Variants in RASSF5 observed in about 807,000 individuals in gnomAD.
The protein encoded by RASSF5 is ras association domain-containing protein 5.
RASSF5 carries 25 observed loss-of-function variants against 40.5 expected under a neutral mutation model. The observed-to-expected ratio is 0.62, with a 90% confidence interval of 0.45 to 0.86. The LOEUF (loss-of-function observed/expected upper bound fraction) is 0.86. RASSF5 is among the 40% of genes least tolerant of loss of function. The probability of loss-of-function intolerance (pLI) is 0.00; values close to 1 mark genes in which losing one functional copy is unlikely to be tolerated. For missense variants in RASSF5, 521 were observed against 572.8 expected, an observed-to-expected ratio of 0.91 and a Z score of 0.92; for synonymous variants, 246 against 252.4, an observed-to-expected ratio of 0.97 and a Z score of 0.24.
chr1:206,520,893 C>A (rs1572294823), intron 1 of RASSF5, among the ~76,000 whole-genome samples: 1 of 152,270 alleles, frequency 6.6e-6, no homozygotes, highest in African/African-American at 2.4e-5. Flanking sequence ...CCCCGTGGGT[C>A]ATTGGGACAA....
At chr1:206,519,638 T>G (rs2103505892) in intron 1 of RASSF5, among the ~76,000 whole-genome samples, 2 of 152,280 alleles carry the variant, frequency 1.3e-5, no homozygotes, top group East Asian at 3.9e-4. Flanking sequence ...TATACTTCTC[T>G]CATATACTTT....
rs542803158 is a variant in RASSF5 at position 206,554,733 on chromosome 1, G to A, written c.579+16440G>A. Among the ~76,000 whole-genome samples the A allele has an allele frequency of 2.6e-5, 4 of 152,322 alleles. No homozygotes were observed. The South Asian group carries it at 8.3e-4, about 32-fold the overall frequency. On this transcript the variant is annotated intron_variant, in intron 2 of 5. Coordinates refer to ENST00000579436, the MANE Select transcript of RASSF5 (RefSeq NM_182663.4). ...AGAGGTTCAGACAGGGCCATTAGATGCTTCAGGGAGTCCTGTCTTCCTTCC... is the reference window on the plus strand; with the variant it reads ...AGAGGTTCAGACAGGGCCATTAGATACTTCAGGGAGTCCTGTCTTCCTTCC...
chr1:206,575,130 G>A (rs1465813697), intron 2 of RASSF5, among the ~76,000 whole-genome samples: 1 of 152,030 alleles, frequency 6.6e-6, no homozygotes, highest in Non-Finnish European at 1.5e-5. Flanking sequence ...CATTGAGCAG[G>A]GTATTTCAAA....
In RASSF5 at chr1:206,588,447, T is replaced by G. The variant is rs1030068804; in HGVS notation, c.*1469T>G. 6.6e-6 allele frequency: 1 copy of G among 152,280 alleles called. No individual in the cohort carries two copies. Among genetic ancestry groups the G allele is most frequent in the African/African-American group, 2.4e-5 (1 of 41,434 alleles). 9.4% of individuals were successfully genotyped at this position (152,280 alleles called of 1,614,324 possible). The stretch of plus-strand genomic sequence containing the variant: ...CAAGTAGCCAGGACTGCAGAGACAC[T>G]CCAGTGCAGAGGGAGAAGGACTTGT... On this transcript the variant is annotated 3_prime_UTR_variant, in exon 6 of 6. Coordinates refer to ENST00000579436, the MANE Select transcript of RASSF5 (RefSeq NM_182663.4).
intron 2 of RASSF5, chr1:206,557,308 C>T: frequency 8.0e-7 from 1 of 1,246,930 alleles, no homozygotes; most frequent in Non-Finnish European, 1.0e-6. Flanking sequence ...GAGGCGCGAG[C>T]CGGGCGCCCG....
chr1:206,584,234 T>C lies in RASSF5; in HGVS notation c.691-153T>C, dbSNP rs2103571227. Reference sequence around the variant, plus strand: ...TCCCAGCCCACTATGGGGAAAGGGATCTCTGCTCCTTCCTCCAGCTCTCCC... The same window carrying C: ...TCCCAGCCCACTATGGGGAAAGGGACCTCTGCTCCTTCCTCCAGCTCTCCC... On this transcript the variant is annotated intron_variant, in intron 3 of 5. Transcript: ENST00000579436. This position sits in a 1 kb window ranked among gnomAD's most constrained non-coding sequence, Gnocchi z 4.9. Among the ~76,000 whole-genome samples, 1 of 152,310 alleles carries C rather than the reference T, an allele frequency of 6.6e-6. No homozygotes were observed. Among genetic ancestry groups the C allele is most frequent in the African/African-American group, 2.4e-5 (1 of 41,570 alleles).
At chr1:206,557,658 T>G in intron 2 of RASSF5, 1 of 1,614,116 alleles carries the variant, frequency 6.2e-7, no homozygotes, top group East Asian at 2.2e-5. Flanking sequence ...TAAGACTACC[T>G]TTTTCAGAAA....
Position 206,585,168 on chromosome 1 carries a change from CT to C in RASSF5, c.989-10del, listed in dbSNP as rs1572374664. ...CTGGGAAGAGCTCCCAGCACCCTCTCTTGGTTTGCAGTGCTCTTCCAGAAAC... is the reference window on the plus strand; with the variant it reads ...CTGGGAAGAGCTCCCAGCACCCTCTCTGGTTTGCAGTGCTCTTCCAGAAAC... On this transcript the variant is annotated splice_polypyrimidine_tract_variant and intron_variant, in intron 4 of 5. Coordinates refer to ENST00000579436, the MANE Select transcript of RASSF5 (RefSeq NM_182663.4). The C allele has an allele frequency of 1.2e-5, 19 of 1,605,204 alleles. No individual in the cohort carries two copies. The highest frequency in any genetic ancestry group is 3.3e-4 in the Middle Eastern group (2 of 6,038).
chr1:206,585,391 C>G (rs565715370), intron 5 of RASSF5, 96 bp downstream of exon 5: 1 of 856,652 alleles, frequency 1.2e-6, no homozygotes, highest in Non-Finnish European at 2.0e-6. Context: ...GTGGGAGCCA[C>G]GCAGCACGGG....
At chr1:206,526,907 A>G (rs1263418680) in intron 1 of RASSF5, among the ~76,000 whole-genome samples, 1 of 152,176 alleles carries the variant, frequency 6.6e-6, no homozygotes, top group Non-Finnish European at 1.5e-5. Flanking sequence ...AGCACCTACC[A>G]TATGCCAGGT....
At chr1:206,557,026 T>C in intron 2 of RASSF5, 1 of 466,082 alleles carries the variant, frequency 2.1e-6, no homozygotes, top group African/African-American at 2.1e-5. Flanking sequence ...CTTCTTTCCC[T>C]GCATCCCTTA....
At chr1:206,570,128 G>A (rs924401968) in intron 2 of RASSF5, among the ~76,000 whole-genome samples, 11 of 129,872 alleles carry the variant, frequency 8.5e-5, no homozygotes, top group Admixed American at 3.6e-4. Flanking sequence ...TCTCAAATCT[G>A]TCACCCAGGC....
At chr1:206,561,840 G>GTTT (rs35815148) in intron 2 of RASSF5, among the ~76,000 whole-genome samples, 2,727 of 143,740 alleles carry the variant, frequency 0.019, 73 homozygotes, top group South Asian at 0.051. Context: ...TAAGTTTTGT[G>GTTT]TTTTTTTTTT....
intron 1 of RASSF5, among the ~76,000 whole-genome samples, chr1:206,523,950 AAT>A (rs1311087467): frequency 8.0e-5 from 9 of 112,874 alleles, no homozygotes; most frequent in East Asian, 6.8e-4. Flanking sequence ...TTTTATATAT[AAT>A]ATATATACCA....
In RASSF5 at chr1:206,507,942, A is replaced by G. The variant is rs1392110046; in HGVS notation, c.340A>G (p.Arg114Gly). The G allele has an allele frequency of 5.9e-6, 9 of 1,525,622 alleles. No individual in the cohort carries two copies. Among genetic ancestry groups the G allele is most frequent in the Admixed American group, 2.0e-5 (1 of 49,762 alleles). 94.5% of individuals were successfully genotyped at this position (1,525,622 alleles called of 1,614,324 possible). A position where few individuals can be genotyped will look rare whatever the true frequency, so the allele number is the denominator to read the frequency against. Residue 114 changes from arginine (R) to glycine (G), a missense_variant, in exon 1 of 6, where the codon AGA becomes GGA. Physicochemically the swap from Arg to Gly is moderately radical, Grantham distance 125. Coordinates refer to ENST00000579436, the MANE Select transcript of RASSF5 (RefSeq NM_182663.4). ...CATCTTCGAGCAGCCGCAGGATCCC[A>G]GAGTCCCGGCGGAGCGAGGCGAGGG... ...RSIFEQPQDPRVPAERGEGHC... is the reference protein window; with the variant it reads ...RSIFEQPQDPGVPAERGEGHC...
chr1:206,517,793 A>G (rs1437468037), intron 1 of RASSF5, among the ~76,000 whole-genome samples: 1 of 152,192 alleles, frequency 6.6e-6, no homozygotes, highest in African/African-American at 2.4e-5. Flanking sequence ...CCCCACACCC[A>G]TAGGGTCACA....
chr1:206,507,785 C>A lies in RASSF5; in HGVS notation c.183C>A (p.Ser61Arg). ...CGCCCGGGGCGCGCGAGGGGCGCAG[C>A]GCCCGGAGGGCTGCCCGGGGGAACC... is the stretch of plus-strand genomic sequence containing the variant. ...STAPGAREGR[S>R]ARRAARGNLE... The change falls in exon 1 of 6, where the codon AGC (serine) becomes AGA (arginine). Residue 61 changes from serine to arginine, a missense_variant. By Grantham distance (110) the Ser-to-Arg change is moderately radical (BLOSUM62 -1). Coordinates refer to ENST00000579436, the MANE Select transcript of RASSF5 (RefSeq NM_182663.4). 1 of 1,387,598 alleles carries A rather than the reference C, an allele frequency of 7.2e-7. No individual in the cohort carries two copies. The highest frequency in any genetic ancestry group is 9.2e-7 in the Non-Finnish European group (1 of 1,081,652). 86.0% of individuals were successfully genotyped at this position (1,387,598 alleles called of 1,614,324 possible).
chr1:206,554,400 G>A lies in RASSF5; in HGVS notation c.579+16107G>A, dbSNP rs534265392. Among the ~76,000 whole-genome samples the A allele has an allele frequency of 7.2e-5, 11 of 152,290 alleles. No homozygotes were observed. The South Asian group carries it at 2.3e-3, about 32-fold the overall frequency. ...CTGGCCACATGACAGGATTGTATCT[G>A]AGAAAGGAAAAAAGCTTAAAATAAT... On this transcript the variant is annotated intron_variant, in intron 2 of 5. Coordinates refer to ENST00000579436, the MANE Select transcript of RASSF5 (RefSeq NM_182663.4).
rs1292480968 is a variant in RASSF5, at chr1:206,507,564, C to G, written c.-39C>G. 6.9e-6 allele frequency: 10 copies of G among 1,442,614 alleles called. No homozygotes were observed. Among genetic ancestry groups the G allele is most frequent in the African/African-American group, 4.5e-5 (3 of 67,082 alleles). The allele number at this position is 1,442,614 out of a possible 1,614,324, so 89.4% of individuals were successfully genotyped here. A position where few individuals can be genotyped will look rare whatever the true frequency, so the allele number is the denominator to read the frequency against. ...GCTGGCTCGGGAGTAGCGCAGTCGC[C>G]AAAGCCGCCGCTGCCAAAGCTGCCG... On this transcript the variant is annotated 5_prime_UTR_variant, in exon 1 of 6. Transcript: ENST00000579436.
Sources: gnomAD v4.1 joint callset for allele counts (sites outside exome capture counted in the v4.1 genomes callset) on GRCh38, gnomAD v4.1.1 for gene constraint, Gnocchi (gnomAD v3.1) non-coding constraint, MANE v1.5 for transcripts, NCBI Gene and HGNC (gene_info 2026-07-23, HGNC 2026-07-21) for gene names.